ATG7: variants seen among roughly 807,000 people sequenced by gnomAD.
ATG7 encodes autophagy related 7.
In ATG7, 70 loss-of-function variants were observed where a neutral mutation model predicts 82.4. The ratio of observed to expected loss-of-function variants is 0.85; its 90% CI spans 0.70 to 1.04. The LOEUF (loss-of-function observed/expected upper bound fraction) is 1.04. Ranked by LOEUF, ATG7 falls within the 50% of genes least tolerant of loss-of-function variation. The pLI is 0.00. For synonymous variants in ATG7, 287 were observed against 313.0 expected, an observed-to-expected ratio of 0.92 and a Z score of 0.88; for missense variants, 792 against 864.3, an observed-to-expected ratio of 0.92 and a Z score of 1.05.
chr3:11,567,362 C>G, the ATG7 span, among the ~76,000 whole-genome samples: 3 of 152,068 alleles, frequency 2.0e-5, no homozygotes, highest in Admixed American at 6.5e-5. Context: ...TGTACAGGAC[C>G]CAGTATTCGT....
At chr3:11,353,906 G>T (rs927204458) in intron 14 of ATG7, among the ~76,000 whole-genome samples, 6 of 152,160 alleles carry the variant, frequency 3.9e-5, no homozygotes, top group African/African-American at 1.2e-4. Context: ...GAAATACAAA[G>T]AAGTGTACCA....
chr3:11,468,036 A>G (rs1162648257), intron 20 of ATG7, among the ~76,000 whole-genome samples: 1 of 152,180 alleles, frequency 6.6e-6, no homozygotes, highest in Non-Finnish European at 1.5e-5. Context: ...TTTCCAAAAG[A>G]TGCTTACTCA....
intron 20 of ATG7, among the ~76,000 whole-genome samples, chr3:11,552,996 C>A (rs1046761779): frequency 6.6e-6 from 1 of 152,236 alleles, no homozygotes; most frequent in Non-Finnish European, 1.5e-5. Flanking sequence ...CCCCAACCAC[C>A]CATTTGCAGA....
At chr3:11,462,605 A>T (rs1439964387) in intron 20 of ATG7, among the ~76,000 whole-genome samples, 1 of 152,100 alleles carries the variant, frequency 6.6e-6, no homozygotes, top group Non-Finnish European at 1.5e-5. Flanking sequence ...ATGAAAGCAG[A>T]GGAATTTTGC....
chr3:11,346,618 A>C (rs73812437), intron 13 of ATG7: 1 of 152,296 alleles, frequency 6.6e-6, no homozygotes, highest in African/African-American at 2.4e-5. Context: ...CATGTTTGTA[A>C]TGTATCTGGC....
At chr3:11,368,057 C>G (rs2076743037) in intron 18 of ATG7, among the ~76,000 whole-genome samples, 1 of 151,750 alleles carries the variant, frequency 6.6e-6, no homozygotes. Context: ...GAGAGGTAAG[C>G]ACCTCTTGAT....
intron 20 of ATG7, among the ~76,000 whole-genome samples, chr3:11,489,748 C>G (rs2090152985): frequency 6.7e-6 from 1 of 149,994 alleles, no homozygotes; most frequent in Admixed American, 6.7e-5. Flanking sequence ...AGTAGTCATT[C>G]AGGAGCAGGT....
In ATG7 at chr3:11,360,704, C is replaced by T. The variant is rs770121280; in HGVS notation, c.1603C>T (p.Leu535=). 2.4e-5 allele frequency: 38 copies of T among 1,614,076 alleles called. No homozygotes were observed. The highest frequency in any genetic ancestry group is 4.0e-5 in the African/African-American group (3 of 74,926). The change falls in exon 16 of 21, where the codon CTG becomes TTG. Residue 535 remains leucine, a synonymous_variant. Coordinates refer to ENST00000693202, the MANE Select transcript of ATG7 (RefSeq NM_001349232.2). ...CCACCCTGTGGCATCTGCTGACCTC[C>T]TGGGCTCATCGCTTTTTGCCAACAT... ...PNHPVASADL[L]GSSLFANIPG...
In ATG7 at chr3:11,358,554, T is replaced by G; in HGVS notation, c.1421T>G (p.Leu474Trp). Residue 474 changes from leucine to tryptophan, a missense_variant, in exon 15 of 21, where the codon TTG (leucine) becomes TGG (tryptophan). Physicochemically the swap from Leu to Trp is moderately conservative, Grantham distance 61. Transcript: ENST00000693202. ...GAAAGCCATGATGTCGTCTTCCTATTGATGGACACCAGGGAGAGCCGGTGG... is the reference window on the plus strand; with the variant it reads ...GAAAGCCATGATGTCGTCTTCCTATGGATGGACACCAGGGAGAGCCGGTGG... The part of the protein sequence containing the change: ...LIESHDVVFL[L>W]MDTRESRWLP... 6.2e-7 allele frequency: 1 copy of G among 1,614,056 alleles called. No homozygotes were observed.
rs141610530 is a variant in ATG7 at position 11,363,602 on chromosome 3, C to T, written c.1799+674C>T. ...TTAGGAAAGAACTATTATTATTAGT[C>T]GCAGTTTTGATGGGGAAATCAAGGC... On this transcript the variant is annotated intron_variant, in intron 17 of 20. Transcript: ENST00000693202. Among the ~76,000 whole-genome samples the T allele has an allele frequency of 3.0e-4, 46 of 152,216 alleles. No homozygotes were observed. The East Asian group carries it at 7.3e-3, about 24-fold the overall frequency.
At position 11,422,740 on chromosome 3, in the gene ATG7, C is replaced by CTTTTTTTTTTTTTT. The variant is rs557755646; in HGVS notation, c.1957-4048_1957-4035dup. Among the ~76,000 whole-genome samples, 19 of 49,556 alleles carry CTTTTTTTTTTTTTT rather than the reference C, an allele frequency of 3.8e-4. 5 individuals are homozygous for CTTTTTTTTTTTTTT. The highest frequency in any genetic ancestry group is 1.4e-3 in the African/African-American group (14 of 9,874). The allele number at this position is 49,556 out of a possible 152,430, so 32.5% of individuals were successfully genotyped here. ...CCTCACTATGCTTAATCATTTCTAGCTTTTTTTTTTTTTTTTTTTTTTTTT... is the reference window on the plus strand; with the variant it reads ...CCTCACTATGCTTAATCATTTCTAGCTTTTTTTTTTTTTTTTTTTTTTTTTTTTTTTTTTTTTTT... On this transcript the variant is annotated intron_variant, in intron 19 of 20. Coordinates refer to ENST00000693202, the MANE Select transcript of ATG7 (RefSeq NM_001349232.2).
chr3:11,353,456 GA>G (rs2075714199), intron 14 of ATG7, among the ~76,000 whole-genome samples: 1 of 152,026 alleles, frequency 6.6e-6, no homozygotes, highest in South Asian at 2.1e-4. Context: ...AAAGAAAAAA[GA>G]AAAAGTTTAA....
chr3:11,521,267 C>T (rs766976996), intron 20 of ATG7, among the ~76,000 whole-genome samples: 3 of 152,118 alleles, frequency 2.0e-5, no homozygotes, highest in Admixed American at 1.3e-4. Flanking sequence ...GCTGGCCATA[C>T]GTGCTAGATG....
At chr3:11,407,579 C>T (rs1366243376) in intron 19 of ATG7, among the ~76,000 whole-genome samples, 1 of 152,232 alleles carries the variant, frequency 6.6e-6, no homozygotes, top group African/African-American at 2.4e-5. Context: ...ATGAGGACCC[C>T]ACCCCTACAG....
intron 20 of ATG7, among the ~76,000 whole-genome samples, chr3:11,451,761 C>T (rs1181851459): frequency 6.9e-6 from 1 of 144,346 alleles, no homozygotes; most frequent in Non-Finnish European, 1.5e-5. Flanking sequence ...GAAAATATTA[C>T]GTGTATATAT....
intron 19 of ATG7, among the ~76,000 whole-genome samples, chr3:11,395,081 T>C (rs988689688): frequency 6.6e-6 from 1 of 152,164 alleles, no homozygotes; most frequent in African/African-American, 2.4e-5. Flanking sequence ...AATACGGCTT[T>C]CCAGATTTAA....
intron 20 of ATG7, among the ~76,000 whole-genome samples, chr3:11,480,299 C>CTG (rs1405119714): frequency 1.3e-5 from 2 of 152,088 alleles, no homozygotes; most frequent in Non-Finnish European, 2.9e-5. Context: ...CTTTGGGAGG[C>CTG]TGAGGTGGGA....
intron 19 of ATG7, among the ~76,000 whole-genome samples, chr3:11,394,145 G>T (rs1156872036): frequency 6.6e-6 from 1 of 152,150 alleles, no homozygotes; most frequent in East Asian, 1.9e-4. Flanking sequence ...ATCCTTTATA[G>T]TTCCTCTGTA....
At chr3:11,276,466 A>G (rs919848351) in intron 1 of ATG7, among the ~76,000 whole-genome samples, 3 of 152,244 alleles carry the variant, frequency 2.0e-5, no homozygotes, top group South Asian at 2.1e-4. Context: ...CAATTAACCT[A>G]TGCTGCACCC....
Sources: gnomAD v4.1 joint callset for allele counts (sites outside exome capture counted in the v4.1 genomes callset) on GRCh38, gnomAD v4.1.1 for gene constraint, MANE v1.5 for transcripts, NCBI Gene and HGNC (gene_info 2026-07-23, HGNC 2026-07-21) for gene names.